The following DAAM1 variants were observed in gnomAD, a reference collection of about 807,000 sequenced individuals.
DAAM1 encodes disheveled-associated activator of morphogenesis 1.
A neutral mutation model predicts 130.0 loss-of-function variants in DAAM1; 52 were observed. That is an observed-to-expected ratio of 0.40 (90% confidence interval 0.32 to 0.50). DAAM1 has a LOEUF of 0.50. DAAM1 is among the 20% of genes least tolerant of loss of function. DAAM1 has a pLI of 0.61. For missense variants in DAAM1, 1,134 were observed against 1,303.8 expected, an observed-to-expected ratio of 0.87 and a Z score of 2.01; for synonymous variants, 452 against 444.5, an observed-to-expected ratio of 1.02 and a Z score of -0.21.
intron 20 of DAAM1, chr14:59,357,444 A>AATC (rs773574706): frequency 8.5e-5 from 13 of 152,160 alleles, no homozygotes; most frequent in Admixed American, 4.6e-4. Flanking sequence ...CTTAGGTAAG[A>AATC]ATCACATGGG....
intron 20 of DAAM1, among the ~76,000 whole-genome samples, chr14:59,356,705 A>G (rs1481705307): frequency 5.9e-5 from 9 of 152,238 alleles, no homozygotes; most frequent in African/African-American, 2.2e-4. Context: ...ATTCTCTTCA[A>G]CTGTACACAC....
intron 9 of DAAM1, 25 bp from the exon 10 acceptor site, chr14:59,325,935 T>A: frequency 6.2e-7 from 1 of 1,607,146 alleles, no homozygotes; most frequent in Non-Finnish European, 8.5e-7. Flanking sequence ...GATGTTTGAT[T>A]TGATTTCTTT....
intron 2 of DAAM1, among the ~76,000 whole-genome samples, chr14:59,279,836 T>A (rs1000343869): frequency 6.6e-6 from 1 of 152,170 alleles, no homozygotes; most frequent in African/African-American, 2.4e-5. Flanking sequence ...AATATATACC[T>A]CTGGCAAAGG....
chr14:59,196,178 A>G (rs921736332), intron 1 of DAAM1, among the ~76,000 whole-genome samples: 2 of 152,288 alleles, frequency 1.3e-5, no homozygotes, highest in East Asian at 3.9e-4. Context: ...AGATGCCATC[A>G]ATGTGTGTTT....
intron 1 of DAAM1, among the ~76,000 whole-genome samples, chr14:59,204,974 T>C (rs1888218046): frequency 6.6e-6 from 1 of 152,252 alleles, no homozygotes; most frequent in Non-Finnish European, 1.5e-5. Context: ...CCATCAGATT[T>C]ATTGCTTCCT....
At chr14:59,368,547 T>A in intron 24 of DAAM1, 103 bp from the exon 25 acceptor site, 1 of 1,182,618 alleles carries the variant, frequency 8.5e-7, no homozygotes, top group Non-Finnish European at 1.2e-6. Context: ...TGAGCATAGC[T>A]TGGTGTCTGG....
intron 5 of DAAM1, among the ~76,000 whole-genome samples, chr14:59,321,037 G>C (rs1049209689): frequency 2.6e-5 from 4 of 152,106 alleles, no homozygotes; most frequent in African/African-American, 9.7e-5. Context: ...ATTCATGATA[G>C]CCAAGAAGTG....
Position 59,355,193 on chromosome 14 carries a change from T to G in DAAM1, c.2385T>G (p.Phe795Leu). 1 of 1,614,160 alleles carries G rather than the reference T, an allele frequency of 6.2e-7. No homozygotes were observed. The highest frequency in any genetic ancestry group is 8.5e-7 in the Non-Finnish European group (1 of 1,180,004). ...EAIRSGSEEV[F>L]RSGALKQLLE... ...TTCGTTCTGGCTCAGAAGAGGTGTT[T>G]AGGAGTGGTGCCCTCAAGCAGTTGC... The change falls in exon 20 of 25, where the codon TTT becomes TTG. Residue 795 changes from phenylalanine (F) to leucine (L), a missense_variant. Coordinates refer to ENST00000360909, the MANE Select transcript of DAAM1 (RefSeq NM_001270520.2).
chr14:59,307,851 C>T (rs1026813960), intron 3 of DAAM1, among the ~76,000 whole-genome samples: 1 of 152,168 alleles, frequency 6.6e-6, no homozygotes. Context: ...GCTGGCGAGT[C>T]GAGGTCCTAT....
At chr14:59,243,639 C>T (rs1468117686) in intron 1 of DAAM1, among the ~76,000 whole-genome samples, 1 of 152,156 alleles carries the variant, frequency 6.6e-6, no homozygotes, top group East Asian at 1.9e-4. Context: ...GTTTGGATTT[C>T]CTCTTTCTGC....
chr14:59,358,317 A>T (rs577035010), intron 20 of DAAM1, among the ~76,000 whole-genome samples: 1 of 152,300 alleles, frequency 6.6e-6, no homozygotes, highest in African/African-American at 2.4e-5. Flanking sequence ...GGCCTTTTCC[A>T]TCCAGGTCAG....
chr14:59,332,481 A>ATGG (rs1885480613), intron 15 of DAAM1, among the ~76,000 whole-genome samples: 1 of 152,206 alleles, frequency 6.6e-6, no homozygotes, highest in Admixed American at 6.5e-5. Context: ...GGAGATGGTA[A>ATGG]TGGTGCAAAT....
Position 59,225,019 on chromosome 14 carries a change from G to GTTTTTTTTTTTTTT in DAAM1, c.-38+36265_-38+36278dup, listed in dbSNP as rs869233694. Among the ~76,000 whole-genome samples the GTTTTTTTTTTTTTT allele has an allele frequency of 8.8e-5, 8 of 90,804 alleles. 1 individual carries two copies. Among genetic ancestry groups the GTTTTTTTTTTTTTT allele is most frequent in the Non-Finnish European group, 1.3e-4 (6 of 47,530 alleles). 59.6% of individuals were successfully genotyped at this position (90,804 alleles called of 152,430 possible). On this transcript the variant is annotated intron_variant, in intron 1 of 24. Coordinates refer to ENST00000360909, the MANE Select transcript of DAAM1 (RefSeq NM_001270520.2). ...GACTGTAAGAAATAAATCTGTGTGG[G>GTTTTTTTTTTTTTT]TTTTTTTTTTTTTTTTTTTTTTTTT...
At chr14:59,197,083 G>T (rs936933690) in intron 1 of DAAM1, among the ~76,000 whole-genome samples, 1 of 152,118 alleles carries the variant, frequency 6.6e-6, no homozygotes, top group African/African-American at 2.4e-5. Flanking sequence ...ACCACGCCTG[G>T]CTAGTTTTTT....
chr14:59,320,502 C>T lies in DAAM1; in HGVS notation c.358C>T (p.Leu120=). 6.2e-7 allele frequency: 1 copy of T among 1,602,120 alleles called. No homozygotes were observed. Among genetic ancestry groups the T allele is most frequent in the Non-Finnish European group, 8.5e-7 (1 of 1,176,482 alleles). Residue 120 remains leucine, a synonymous_variant, in exon 5 of 25, where the codon CTG becomes TTG. Transcript: ENST00000360909. ...LNSMAARKSL[L]ALEKEEEEER... ...TTTCTTTGCATAGAGAAAATCTCTG[C>T]TGGCTTTAGAGAAGGAAGAAGAAGA...
At position 59,324,436 on chromosome 14, in the gene DAAM1, A is replaced by G; in HGVS notation, c.971A>G (p.Glu324Gly). 6.3e-7 allele frequency: 1 copy of G among 1,587,300 alleles called. No individual in the cohort carries two copies. Among genetic ancestry groups the G allele is most frequent in the Non-Finnish European group, 8.6e-7 (1 of 1,166,976 alleles). Residue 324 changes from glutamate to glycine, a missense_variant, in exon 8 of 25, where the codon GAA (glutamate) becomes GGA (glycine). Glu to Gly is a moderately conservative substitution (Grantham distance 98). Around this residue, in one of 3 missense-constraint regions of DAAM1, gnomAD observed 391 missense variants for 521.6 expected, o/e 0.75. Transcript: ENST00000360909. ...GTAATAGATAAATTAAGGGAACACGAAAATTCAACATTAGATAGGTAAGTC... is the reference window on the plus strand; with the variant it reads ...GTAATAGATAAATTAAGGGAACACGGAAATTCAACATTAGATAGGTAAGTC... The part of the protein sequence containing the change: ...QPVIDKLREH[E>G]NSTLDRHLDF...
intron 1 of DAAM1, among the ~76,000 whole-genome samples, chr14:59,209,722 G>A (rs932885303): frequency 6.6e-6 from 1 of 152,190 alleles, no homozygotes. Flanking sequence ...TGTATTAAAT[G>A]TATTTTCAAC....
At chr14:59,279,612 C>T (rs1193889089) in intron 2 of DAAM1, among the ~76,000 whole-genome samples, 2 of 152,160 alleles carry the variant, frequency 1.3e-5, no homozygotes, top group Admixed American at 1.3e-4. Context: ...GAGATTCAAA[C>T]ATAGAAGCTA....
chr14:59,268,707 A>G lies in DAAM1; in HGVS notation c.183+5047A>G, dbSNP rs17095988. On this transcript the variant is annotated intron_variant, in intron 2 of 24. Coordinates refer to ENST00000360909, the MANE Select transcript of DAAM1 (RefSeq NM_001270520.2). ...TTAAGAGTCTGTTTAATCTCTGCTA[A>G]CCATATATTTTATACCTTTCGAGAA... Among the ~76,000 whole-genome samples the G allele has an allele frequency of 6.6e-3, 998 of 152,306 alleles. 15 individuals are homozygous for G. Among genetic ancestry groups the G allele is most frequent in the African/African-American group, 0.023 (967 of 41,560 alleles).
Sources: allele counts gnomAD v4.1 joint callset (sites outside exome capture counted in the v4.1 genomes callset), GRCh38; gene constraint gnomAD v4.1.1; regional missense constraint gnomAD v4.1.1; transcripts MANE v1.5; gene names NCBI Gene and HGNC (gene_info 2026-07-23, HGNC 2026-07-21).